RYR3: variants seen among roughly 807,000 people sequenced by gnomAD.
RYR3 encodes ryanodine receptor 3, also known as brain ryanodine receptor-calcium release channel.
A neutral mutation model predicts 584.3 loss-of-function variants in RYR3; 207 were observed. That is an observed-to-expected ratio of 0.35 (90% confidence interval 0.32 to 0.40). The LOEUF (loss-of-function observed/expected upper bound fraction) is 0.40, where lower values mean the gene tolerates loss of function less well. Ranked by LOEUF, RYR3 falls within the 10% of genes least tolerant of loss-of-function variation. RYR3 has a pLI of 1.00. For synonymous variants in RYR3, 2,416 were observed against 2,248.5 expected, an observed-to-expected ratio of 1.07 and a Z score of -2.11; for missense variants, 5,616 against 6,089.2, an observed-to-expected ratio of 0.92 and a Z score of 2.59.
intron 1 of RYR3, among the ~76,000 whole-genome samples, chr15:33,324,685 G>A (rs1567026781): frequency 6.6e-6 from 1 of 152,134 alleles, no homozygotes; most frequent in East Asian, 1.9e-4. Context: ...GCATATAGTA[G>A]GTCTCTGTAA....
In RYR3 at chr15:33,822,996, A is replaced by G. The variant is rs2077190308; in HGVS notation, c.10996A>G (p.Lys3666Glu). 3.7e-6 allele frequency: 6 copies of G among 1,612,708 alleles called. No individual in the cohort carries two copies. The highest frequency in any genetic ancestry group is 5.1e-6 in the Non-Finnish European group (6 of 1,179,314). Residue 3666 changes from lysine (K) to glutamate (E), a missense_variant and splice_region_variant, in exon 81 of 104, where the codon AAA becomes GAA. This residue lies in a region of RYR3 where 954 missense variants were observed against 1,132.2 expected (regional missense o/e 0.84). Coordinates refer to ENST00000634891, the MANE Select transcript of RYR3 (RefSeq NM_001036.6). ...LNGGNAGVQQKMLDYLKEKKD... is the reference protein window; with the variant it reads ...LNGGNAGVQQEMLDYLKEKKD... ...CCCTTACAACGTGTCTCCCTTGCAG[A>G]AAATGCTAGATTACCTAAAGGAGAA...
intron 60 of RYR3, chr15:33,757,903 G>T (rs745778242): frequency 3.0e-6 from 1 of 335,922 alleles, no homozygotes; most frequent in African/African-American, 2.1e-5. Context: ...CGAGACCAAC[G>T]CAGAAGGAGA....
chr15:33,434,048 G>A (rs374671877), intron 1 of RYR3, among the ~76,000 whole-genome samples: 22 of 152,120 alleles, frequency 1.4e-4, no homozygotes, highest in African/African-American at 5.3e-4. Context: ...AAAATCCTAG[G>A]ATAATAGTTT....
intron 1 of RYR3, among the ~76,000 whole-genome samples, chr15:33,330,940 T>C (rs1392038194): frequency 1.3e-5 from 2 of 152,314 alleles, no homozygotes; most frequent in Middle Eastern, 3.4e-3. Flanking sequence ...GGTCTATTAC[T>C]CATTCATCTC....
chr15:33,356,563 A>C (rs1275988678), intron 1 of RYR3, among the ~76,000 whole-genome samples: 1 of 152,220 alleles, frequency 6.6e-6, no homozygotes, highest in Admixed American at 6.5e-5. Flanking sequence ...AAAATAAACA[A>C]AATTATGTAT....
chr15:33,738,335 G>A (rs773678550), intron 49 of RYR3, 115 bp from the exon 50 acceptor site: 58 of 1,054,236 alleles, frequency 5.5e-5, no homozygotes, highest in Middle Eastern at 3.1e-4. Flanking sequence ...CAGCTGTTTC[G>A]CATGTTTCAT....
At chr15:33,477,909 C>CTAGGGGG (rs2049564587) in intron 2 of RYR3, among the ~76,000 whole-genome samples, 2 of 42,162 alleles carry the variant, frequency 4.7e-5, no homozygotes, top group Middle Eastern at 0.014. Context: ...AAAAAAAAGA[C>CTAGGGGG]TAGGGGCTAT....
At position 33,539,397 on chromosome 15, in the gene RYR3, G is replaced by A. The variant is rs2055615326; in HGVS notation, c.481G>A (p.Glu161Lys). 6.9e-6 allele frequency: 11 copies of A among 1,602,726 alleles called. No homozygotes were observed. The highest frequency in any genetic ancestry group is 4.5e-5 in the East Asian group (2 of 44,502). ...TIHPASKQRS[E>K]GEKVRIGDDL... ...ACATCCTGCTTCCAAACAGAGGTCC[G>A]AAGGAGAGAAAGTTCGAATTGGCGA... The change falls in exon 6 of 104, where the codon GAA becomes AAA. Residue 161 changes from glutamate to lysine, a missense_variant. Around this residue, in one of 9 missense-constraint regions of RYR3, gnomAD observed 1,284 missense variants for 1,344.6 expected, o/e 0.95. Coordinates refer to ENST00000634891, the MANE Select transcript of RYR3 (RefSeq NM_001036.6).
At position 33,844,889 on chromosome 15, in the gene RYR3, A is replaced by T. The variant is rs758717671; in HGVS notation, c.13324A>T (p.Thr4442Ser). The T allele has an allele frequency of 6.2e-7, 1 of 1,613,934 alleles. No homozygotes were observed. The highest frequency in any genetic ancestry group is 1.1e-5 in the South Asian group (1 of 91,066). ...KVTEEPLEEE[T>S]EDVANLWNSF... ...CACTGAAGAACCTTTAGAAGAAGAG[A>T]CAGAGGATGTTGCAAACCTATGGAA... Residue 4442 changes from threonine to serine, a missense_variant, in exon 93 of 104, where the codon ACA (threonine) becomes TCA (serine). Physicochemically the swap from Thr to Ser is moderately conservative, Grantham distance 58. Transcript: ENST00000634891.
At chr15:33,862,959 C>T (rs1888964954) in intron 102 of RYR3, among the ~76,000 whole-genome samples, 1 of 152,200 alleles carries the variant, frequency 6.6e-6, no homozygotes, top group Non-Finnish European at 1.5e-5. Flanking sequence ...CTGTGCCCTT[C>T]CTCATGAGTA....
intron 12 of RYR3, among the ~76,000 whole-genome samples, chr15:33,571,293 A>G (rs2058015724): frequency 6.6e-6 from 1 of 152,196 alleles, no homozygotes; most frequent in Admixed American, 6.5e-5. Flanking sequence ...TTTATCTTGA[A>G]TGAGCATTAG....
intron 1 of RYR3, among the ~76,000 whole-genome samples, chr15:33,345,578 A>C (rs553138073): frequency 6.6e-6 from 1 of 152,264 alleles, no homozygotes; most frequent in Admixed American, 6.5e-5. Flanking sequence ...TAGACCAGCC[A>C]CAAGACTAAG....
chr15:33,677,428 A>T (rs1299837146), intron 38 of RYR3, among the ~76,000 whole-genome samples: 2 of 152,158 alleles, frequency 1.3e-5, no homozygotes, highest in Admixed American at 6.5e-5. Context: ...TCTCCCTAAC[A>T]CATCAGCAGA....
Position 33,764,801 on chromosome 15 carries a change from G to C in RYR3, c.8706-3857G>C, listed in dbSNP as rs572825996. On this transcript the variant is annotated intron_variant, in intron 60 of 103. Transcript: ENST00000634891. ...GTAATCCAGCACTTTGGGAGGCCAG[G>C]GCAGGCGGATCACAAGGTCAAGAGT... Among the ~76,000 whole-genome samples, 134 of 152,214 alleles carry C rather than the reference G, an allele frequency of 8.8e-4. 2 individuals carry two copies. The South Asian group carries it at 0.026, about 30-fold the overall frequency.
chr15:33,505,734 T>C (rs1193154970), intron 3 of RYR3, among the ~76,000 whole-genome samples: 3 of 152,080 alleles, frequency 2.0e-5, no homozygotes, highest in Non-Finnish European at 4.4e-5. Context: ...CCTCGTGATC[T>C]GCCCACCTTG....
At chr15:33,441,882 G>A (rs2046258276) in intron 1 of RYR3, among the ~76,000 whole-genome samples, 1 of 152,168 alleles carries the variant, frequency 6.6e-6, no homozygotes, top group South Asian at 2.1e-4. Flanking sequence ...TTGAGAGTAG[G>A]AAAGAGAAGA....
intron 38 of RYR3, among the ~76,000 whole-genome samples, chr15:33,683,709 C>G (rs994877984): frequency 1.3e-5 from 2 of 152,348 alleles, no homozygotes; most frequent in South Asian, 4.1e-4. Context: ...CACAAGGGGT[C>G]GGGGGATTTC....
chr15:33,788,395 C>G lies in RYR3; in HGVS notation c.9767C>G (p.Ala3256Gly), dbSNP rs775224723. The G allele has an allele frequency of 6.2e-6, 10 of 1,613,814 alleles. No homozygotes were observed. ...EAELLILDEF[A>G]VLCRDLYAFY... ...GAACTCCTCATCCTGGACGAGTTCGCGGTCCTCTGCAGAGATCTCTATGCC... is the reference window on the plus strand; with the variant it reads ...GAACTCCTCATCCTGGACGAGTTCGGGGTCCTCTGCAGAGATCTCTATGCC... The change falls in exon 67 of 104, where the codon GCG becomes GGG. Residue 3256 changes from alanine (A) to glycine (G), a missense_variant. Transcript: ENST00000634891.
At chr15:33,734,991 G>A (rs538652644) in intron 48 of RYR3, among the ~76,000 whole-genome samples, 2 of 149,774 alleles carry the variant, frequency 1.3e-5, no homozygotes, top group East Asian at 2.0e-4. Context: ...GCGCCTGGCC[G>A]AGAAATTGGA....
Sources: gnomAD v4.1 joint callset for allele counts (sites outside exome capture counted in the v4.1 genomes callset) on GRCh38, gnomAD v4.1.1 for gene constraint, gnomAD v4.1.1 regional missense constraint, MANE v1.5 for transcripts, NCBI Gene and HGNC (gene_info 2026-07-23, HGNC 2026-07-21) for gene names.